LRRC7: variants seen among roughly 807,000 people sequenced by gnomAD.
The protein encoded by LRRC7 is leucine-rich repeat-containing protein 7.
A neutral mutation model predicts 175.7 loss-of-function variants in LRRC7; 23 were observed. The observed-to-expected ratio is 0.13, with a 90% CI of 0.09 to 0.19. The LOEUF (loss-of-function observed/expected upper bound fraction) is 0.19. LRRC7 is among the 10% of genes least tolerant of loss of function. LRRC7 has a pLI of 1.00. For synonymous variants in LRRC7, 685 were observed against 680.9 expected (o/e 1.01, Z -0.09); for missense variants, 1,354 against 1,904.7 (o/e 0.71, Z 5.38).
intron 2 of LRRC7, among the ~76,000 whole-genome samples, chr1:69,743,954 A>C (rs184524228): frequency 6.6e-6 from 1 of 151,828 alleles, no homozygotes; most frequent in East Asian, 1.9e-4. Flanking sequence ...TAAAGTGGAA[A>C]ATTTCTCTAA....
At chr1:69,906,631 G>C (rs1210124854) in intron 7 of LRRC7, among the ~76,000 whole-genome samples, 2 of 151,960 alleles carry the variant, frequency 1.3e-5, no homozygotes, top group Non-Finnish European at 2.9e-5. Flanking sequence ...CTCTGTTTTG[G>C]TACCAGTACC....
intron 1 of LRRC7, among the ~76,000 whole-genome samples, chr1:69,634,707 A>G (rs1653047897): frequency 6.6e-6 from 1 of 152,090 alleles, no homozygotes; most frequent in African/African-American, 2.4e-5. Context: ...TATGTACACA[A>G]TTCCTGTGAC....
intron 7 of LRRC7, among the ~76,000 whole-genome samples, chr1:69,860,648 A>C (rs1684265008): frequency 6.6e-6 from 1 of 152,076 alleles, no homozygotes; most frequent in South Asian, 2.1e-4. Flanking sequence ...TTCTAGAAAA[A>C]AAGCATTAAT....
At chr1:70,030,712 C>T (rs373758149) in intron 18 of LRRC7, among the ~76,000 whole-genome samples, 1 of 151,684 alleles carries the variant, frequency 6.6e-6, no homozygotes, top group East Asian at 1.9e-4. Flanking sequence ...ATAGAAAACC[C>T]CCAAAAAAAG....
intron 2 of LRRC7, among the ~76,000 whole-genome samples, chr1:69,749,073 A>G (rs1306423727): frequency 6.6e-6 from 1 of 152,164 alleles, no homozygotes; most frequent in Non-Finnish European, 1.5e-5. Flanking sequence ...AACTTTGGCT[A>G]ATTTTAACCT....
intron 2 of LRRC7, among the ~76,000 whole-genome samples, chr1:69,732,538 G>T (rs1667688889): frequency 6.6e-6 from 1 of 151,926 alleles, no homozygotes; most frequent in South Asian, 2.1e-4. Context: ...TTAACATTCT[G>T]TTGCAAGAGA....
chr1:69,604,247 A>T (rs1647214260), intron 1 of LRRC7, among the ~76,000 whole-genome samples: 1 of 152,184 alleles, frequency 6.6e-6, no homozygotes, highest in South Asian at 2.1e-4. Flanking sequence ...CTAATTTTAC[A>T]TGATTTGGCC....
At chr1:69,791,914 G>A (rs1569900249) in intron 3 of LRRC7, 129 bp from the exon 4 acceptor site, 8 of 597,738 alleles carry the variant, frequency 1.3e-5, no homozygotes, top group Admixed American at 2.9e-5. Flanking sequence ...AGTATGGAGG[G>A]AAGTGAGGCT....
intron 2 of LRRC7, among the ~76,000 whole-genome samples, chr1:69,735,804 A>C (rs1668050759): frequency 1.4e-5 from 2 of 146,800 alleles, no homozygotes; most frequent in African/African-American, 5.0e-5. Flanking sequence ...TCTCTCTCCC[A>C]CTCCCTTCCC....
chr1:69,724,819 T>A (rs1166104163), intron 2 of LRRC7, among the ~76,000 whole-genome samples: 1 of 152,192 alleles, frequency 6.6e-6, no homozygotes, highest in South Asian at 2.1e-4. Context: ...CATTTCACTG[T>A]ACTATAGGAA....
intron 3 of LRRC7, among the ~76,000 whole-genome samples, chr1:69,779,109 A>T: frequency 6.6e-6 from 1 of 152,108 alleles, no homozygotes; most frequent in Non-Finnish European, 1.5e-5. Flanking sequence ...ATTCAGGCTA[A>T]TTGTTCACAT....
chr1:70,129,708 T>C lies in LRRC7; in HGVS notation c.*7821T>C, dbSNP rs906395318. ...TGCATTTCATGTTTATTTACTTCACTTTTTGGGTGGAGAACATTTTCACTA... is the reference window on the plus strand; with the variant it reads ...TGCATTTCATGTTTATTTACTTCACCTTTTGGGTGGAGAACATTTTCACTA... On this transcript the variant is annotated 3_prime_UTR_variant, in exon 27 of 27. Transcript: ENST00000651989. Among the ~76,000 whole-genome samples, 7 of 152,176 alleles carry C rather than the reference T, an allele frequency of 4.6e-5. No individual in the cohort carries two copies. Among genetic ancestry groups the C allele is most frequent in the Non-Finnish European group, 7.4e-5 (5 of 68,022 alleles).
At chr1:69,749,322 A>G (rs1286680833) in intron 2 of LRRC7, among the ~76,000 whole-genome samples, 1 of 152,142 alleles carries the variant, frequency 6.6e-6, no homozygotes, top group Non-Finnish European at 1.5e-5. Context: ...CCATAAGTTG[A>G]TGTTCTTTAG....
At chr1:69,969,228 C>T (rs888922504) in intron 8 of LRRC7, among the ~76,000 whole-genome samples, 11 of 152,090 alleles carry the variant, frequency 7.2e-5, no homozygotes, top group Admixed American at 6.6e-4. Context: ...AAACAAAAAA[C>T]CAACGTATAC....
At chr1:69,716,096 T>C (rs1665318459) in intron 2 of LRRC7, 1 of 411,212 alleles carries the variant, frequency 2.4e-6, no homozygotes. Context: ...TGTCAATTTA[T>C]AATTGCAGTT....
At chr1:70,118,735 T>TA (rs1163449267) in intron 26 of LRRC7, among the ~76,000 whole-genome samples, 1 of 152,150 alleles carries the variant, frequency 6.6e-6, no homozygotes, top group African/African-American at 2.4e-5. Flanking sequence ...CTTTCATTTA[T>TA]AAAATGACAG....
chr1:70,059,985 AAATAC>A (rs1661451287), intron 23 of LRRC7, among the ~76,000 whole-genome samples: 3 of 152,054 alleles, frequency 2.0e-5, no homozygotes, highest in Non-Finnish European at 4.4e-5. Flanking sequence ...AAATTTAAAT[AAATAC>A]ATTTTATTAT....
At chr1:69,602,738 T>C (rs945361053) in intron 1 of LRRC7, among the ~76,000 whole-genome samples, 1 of 152,174 alleles carries the variant, frequency 6.6e-6, no homozygotes, top group Non-Finnish European at 1.5e-5. Flanking sequence ...GGCTCGAGAA[T>C]CATTGGCTTA....
At chr1:69,955,414 G>A (rs1168365929) in intron 8 of LRRC7, among the ~76,000 whole-genome samples, 2 of 151,962 alleles carry the variant, frequency 1.3e-5, no homozygotes, top group Non-Finnish European at 2.9e-5. Context: ...AGAAAAGGAG[G>A]AGGAGTGCTT....
Sources: gnomAD v4.1 joint callset for allele counts (sites outside exome capture counted in the v4.1 genomes callset) on GRCh38, gnomAD v4.1.1 for gene constraint, MANE v1.5 for transcripts, NCBI Gene and HGNC (gene_info 2026-07-23, HGNC 2026-07-21) for gene names.